CDHR2: variants seen among roughly 807,000 people sequenced by gnomAD.
CDHR2 encodes the protein cadherin-related family member 2.
In CDHR2, 104 loss-of-function variants were observed where a neutral mutation model predicts 138.6. That is an observed-to-expected ratio of 0.75 (90% CI 0.64 to 0.88). CDHR2 has a LOEUF of 0.88. Among genes scored for constraint, CDHR2 ranks in the 40% least tolerant of loss-of-function variants. The pLI, the probability that CDHR2 is intolerant of heterozygous loss-of-function variation, is 0.00. For missense variants in CDHR2, 1,624 were observed against 1,727.6 expected (o/e 0.94, Z 1.06); for synonymous variants, 755 against 742.8 (o/e 1.02, Z -0.27).
At chr5:176,546,600 T>TA (rs933161043), upstream of CDHR2, among the ~76,000 whole-genome samples, 10 of 151,226 alleles carry the variant, frequency 6.6e-5, no homozygotes, top group East Asian at 5.8e-4. Flanking sequence ...ATACAGTAGA[T>TA]AAAAAAAATA....
rs964785028 is a variant in CDHR2, at chr5:176,578,444, G to T, written c.1654G>T (p.Ala552Ser). The change falls in exon 16 of 32, where the codon GCC becomes TCC. Residue 552 changes from alanine to serine, a missense_variant. Around this residue, in one of 3 missense-constraint regions of CDHR2, gnomAD observed 1,061 missense variants for 1,136.6 expected, o/e 0.93. Coordinates refer to ENST00000261944, the MANE Select transcript of CDHR2 (RefSeq NM_017675.6). ...TGAGCTGCTGGACCGGGAGAGCCAGGCCGTGTACTACCTGACGCTGCAGGC... is the reference window on the plus strand; with the variant it reads ...TGAGCTGCTGGACCGGGAGAGCCAGTCCGTGTACTACCTGACGCTGCAGGC... The part of the protein sequence containing the change: ...NGELLDRESQ[A>S]VYYLTLQATD... 6 of 1,613,828 alleles carry T rather than the reference G, an allele frequency of 3.7e-6. No individual in the cohort carries two copies. Among genetic ancestry groups the T allele is most frequent in the Non-Finnish European group, 4.2e-6 (5 of 1,179,882 alleles).
chr5:176,545,125 T>G (rs536237503), upstream of CDHR2, among the ~76,000 whole-genome samples: 1 of 152,172 alleles, frequency 6.6e-6, no homozygotes, highest in South Asian at 2.1e-4. Flanking sequence ...TCTTTTTTTG[T>G]GGGGGGTGGG....
upstream of CDHR2, among the ~76,000 whole-genome samples, chr5:176,548,923 T>C (rs1757644981): frequency 6.6e-6 from 1 of 152,188 alleles, no homozygotes; most frequent in Admixed American, 6.5e-5. Context: ...GGGGCTGGTC[T>C]GGCCACACAG....
Position 176,584,834 on chromosome 5 carries a change from C to T in CDHR2, c.2553C>T (p.Cys851=). The change falls in exon 19 of 32, where the codon TGC becomes TGT. Residue 851 remains cysteine (C), a synonymous_variant. Coordinates refer to ENST00000261944, the MANE Select transcript of CDHR2 (RefSeq NM_017675.6). Reference sequence around the variant, plus strand: ...AGATACAGCTTGTGAACATTCTCTGCACCAAGGCCGGGGTCGATGTGGGCA... The same window carrying T: ...AGATACAGCTTGTGAACATTCTCTGTACCAAGGCCGGGGTCGATGTGGGCA... ...QLEIQLVNIL[C]TKAGVDVGSL... The T allele has an allele frequency of 6.8e-6, 11 of 1,614,172 alleles. No individual in the cohort carries two copies. Among genetic ancestry groups the T allele is most frequent in the East Asian group, 2.2e-5 (1 of 44,878 alleles).
Position 176,595,709 on chromosome 5 carries a change from C to T in CDHR2, c.*37C>T, listed in dbSNP as rs1759015407. The T allele has an allele frequency of 6.7e-7, 1 of 1,482,726 alleles. No homozygotes were observed. The highest frequency in any genetic ancestry group is 1.4e-5 in the South Asian group (1 of 72,744). 91.8% of individuals were successfully genotyped at this position (1,482,726 alleles called of 1,614,324 possible). On this transcript the variant is annotated 3_prime_UTR_variant, in exon 32 of 32. Transcript: ENST00000261944. ...ACTCTTCTGGACCCCTTGAAGAGGCCCTACCACACCCTAACTGCACCTGTC... is the reference window on the plus strand; with the variant it reads ...ACTCTTCTGGACCCCTTGAAGAGGCTCTACCACACCCTAACTGCACCTGTC...
chr5:176,569,483 T>C (rs1227671962), intron 5 of CDHR2, among the ~76,000 whole-genome samples: 1 of 151,896 alleles, frequency 6.6e-6, no homozygotes, highest in Non-Finnish European at 1.5e-5. Context: ...GGGGTTTCAC[T>C]GTGTTAGCCA....
In CDHR2 at chr5:176,577,655, G is replaced by GT; in HGVS notation, c.1370dup (p.Ser458GlnfsTer14). ...CCCCCAGGTTGTGGCCACAGACTCCGTCAGCCAGAACTTCTCCGTCGCCAT... is the reference window on the plus strand; with the variant it reads ...CCCCCAGGTTGTGGCCACAGACTCCGTTCAGCCAGAACTTCTCCGTCGCCAT... On this transcript the variant is annotated frameshift_variant, in exon 14 of 32. Coordinates refer to ENST00000261944, the MANE Select transcript of CDHR2 (RefSeq NM_017675.6). LOFTEE classifies it high-confidence loss of function. 6.2e-7 allele frequency: 1 copy of GT among 1,614,168 alleles called. No homozygotes were observed. The highest frequency in any genetic ancestry group is 1.6e-4 in the Middle Eastern group (1 of 6,062).
Position 176,589,317 on chromosome 5 carries a change from C to T in CDHR2, c.3009-13C>T, listed in dbSNP as rs777712864. Reference sequence around the variant, plus strand: ...GGGTTCCAAGACTGACCTGCGCCTCCCGCCTTCCGCAGGCCGGTGACCAGC... The same window carrying T: ...GGGTTCCAAGACTGACCTGCGCCTCTCGCCTTCCGCAGGCCGGTGACCAGC... On this transcript the variant is annotated splice_polypyrimidine_tract_variant and intron_variant, in intron 22 of 31. Transcript: ENST00000261944. 1.3e-6 allele frequency: 2 copies of T among 1,555,086 alleles called. No homozygotes were observed. The highest frequency in any genetic ancestry group is 1.9e-5 in the Admixed American group (1 of 53,820).
intron 15 of CDHR2, 116 bp downstream of exon 15, chr5:176,578,211 A>G: frequency 8.1e-7 from 1 of 1,232,044 alleles, no homozygotes; most frequent in Non-Finnish European, 1.2e-6. Context: ...GTTACATTTC[A>G]ATTTCAGATA....
chr5:176,566,945 G>C (rs1397242015), intron 3 of CDHR2: 4 of 456,266 alleles, frequency 8.8e-6, no homozygotes, highest in South Asian at 6.2e-5. Flanking sequence ...CTTTGTTGCA[G>C]TGCAAAATGG....
rs1036606712 is a variant in CDHR2 at position 176,565,859 on chromosome 5, G to A, written c.124+116G>A. 5.3e-6 allele frequency: 4 copies of A among 747,948 alleles called. No homozygotes were observed. The Admixed American group carries it at 1.0e-4, about 19-fold the overall frequency. The allele number at this position is 747,948 out of a possible 1,614,324, so 46.3% of individuals were successfully genotyped here. A position where few individuals can be genotyped will look rare whatever the true frequency, so the allele number is the denominator to read the frequency against. ...ACTCCATGGCTTATTGTGGGACAAA[G>A]AGGGACTGAAGGGAGCTCCTTTGAT... On this transcript the variant is annotated intron_variant, in intron 3 of 31. Coordinates refer to ENST00000261944, the MANE Select transcript of CDHR2 (RefSeq NM_017675.6).
rs1172207816 is a variant in CDHR2 at position 176,584,495 on chromosome 5, T to C, written c.2214T>C (p.Gly738=). The change falls in exon 19 of 32, where the codon GGT becomes GGC. Residue 738 remains glycine (G), a synonymous_variant. Transcript: ENST00000261944. ...TCAGCTTCAGCCTGTCGGGGAGTGG[T>C]GCCAACTACTTCATGATCCGAGGCT... The part of the protein sequence containing the change: ...NRISFSLSGS[G]ANYFMIRGLV... 6.2e-7 allele frequency: 1 copy of C among 1,613,180 alleles called. No individual in the cohort carries two copies.
intron 30 of CDHR2, among the ~76,000 whole-genome samples, chr5:176,592,155 AATG>A (rs1296411747): frequency 3.6e-4 from 25 of 70,288 alleles, no homozygotes; most frequent in East Asian, 3.4e-3. Context: ...TGATGATGAC[AATG>A]ATGATGGTGG....
chr5:176,547,134 G>C (rs10043334), upstream of CDHR2, among the ~76,000 whole-genome samples: 24 of 151,972 alleles, frequency 1.6e-4, no homozygotes, highest in South Asian at 5.0e-3. Context: ...ACCTGCCACC[G>C]TGCACAGCTA....
intron 1 of CDHR2, among the ~76,000 whole-genome samples, chr5:176,560,567 G>A (rs969587693): frequency 3.9e-5 from 6 of 152,030 alleles, no homozygotes; most frequent in Non-Finnish European, 7.4e-5. Flanking sequence ...CTCTCATCAC[G>A]CCCACATCCC....
chr5:176,577,116 G>A (rs13182670), intron 12 of CDHR2, among the ~76,000 whole-genome samples: 120,505 of 141,498 alleles, frequency 0.85, 52,411 homozygotes, highest in Non-Finnish European at 0.94. Flanking sequence ...GGATGTGAAG[G>A]GTGGGTGGGA....
intron 21 of CDHR2, among the ~76,000 whole-genome samples, chr5:176,588,406 AGAGT>A (rs897405584): frequency 1.5e-5 from 2 of 133,534 alleles, no homozygotes; most frequent in African/African-American, 5.3e-5. Flanking sequence ...AGTGCATGAG[AGAGT>A]GAGGGTGTGA....
At position 176,575,590 on chromosome 5, in the gene CDHR2, G is replaced by C. The variant is rs533394997; in HGVS notation, c.844+9G>C. On this transcript the variant is annotated intron_variant, in intron 10 of 31. Coordinates refer to ENST00000261944, the MANE Select transcript of CDHR2 (RefSeq NM_017675.6). ...GATCTACAGCATCTCCTGTGAGAAC[G>C]GGGTGTCCCCAGGCCAGGGCTGGGC... The C allele has an allele frequency of 6.2e-7, 1 of 1,613,724 alleles. No homozygotes were observed. Among genetic ancestry groups the C allele is most frequent in the East Asian group, 2.2e-5 (1 of 44,890 alleles).
intron 1 of CDHR2, among the ~76,000 whole-genome samples, chr5:176,557,560 A>ATTTTT (rs5873538): frequency 1.5e-4 from 13 of 87,424 alleles, no homozygotes; most frequent in African/African-American, 5.1e-4. Context: ...ACCTTCTTAG[A>ATTTTT]TTTTTTTTTT....
Sources: gnomAD v4.1 joint callset for allele counts (sites outside exome capture counted in the v4.1 genomes callset) on GRCh38, gnomAD v4.1.1 for gene constraint, gnomAD v4.1.1 regional missense constraint, MANE v1.5 for transcripts, NCBI Gene and HGNC (gene_info 2026-07-23, HGNC 2026-07-21) for gene names.